Variants in NCKAP5 observed in about 807,000 individuals in gnomAD.
The protein encoded by NCKAP5 is nck-associated protein 5.
In NCKAP5, 92 loss-of-function variants were observed where a neutral mutation model predicts 167.0. That is an observed-to-expected ratio of 0.55 (90% CI 0.47 to 0.66). The LOEUF is 0.66. Ranked by LOEUF, NCKAP5 falls within the 30% of genes least tolerant of loss-of-function variation. The pLI, the probability that NCKAP5 is intolerant of heterozygous loss-of-function variation, is 0.00. For synonymous variants in NCKAP5, 891 were observed against 877.4 expected (o/e 1.02, Z -0.27); for missense variants, 2,378 against 2,315.0 (o/e 1.03, Z -0.56).
rs1278960466 is a variant in NCKAP5, at chr2:132,773,797, T to C, written c.5128+19A>G. 1.9e-6 allele frequency: 3 copies of C among 1,586,036 alleles called. No individual in the cohort carries two copies. Among genetic ancestry groups the C allele is most frequent in the Non-Finnish European group, 2.6e-6 (3 of 1,158,758 alleles). On this transcript the variant is annotated intron_variant, in intron 16 of 19. Coordinates refer to ENST00000409261, the MANE Select transcript of NCKAP5 (RefSeq NM_207363.3). Reference sequence around the variant, plus strand: ...AGAATAAGTCTCCATAAAAGACATATGAATATGTGAATTTTTACCTATGAT... The same window carrying C: ...AGAATAAGTCTCCATAAAAGACATACGAATATGTGAATTTTTACCTATGAT...
At chr2:133,492,781 C>T (rs1038111121) in intron 3 of NCKAP5, among the ~76,000 whole-genome samples, 10 of 152,190 alleles carry the variant, frequency 6.6e-5, no homozygotes, top group African/African-American at 2.2e-4. Flanking sequence ...AATCCAATTA[C>T]ATGAATCCAC....
chr2:133,342,131 G>C (rs1559399422), intron 3 of NCKAP5, among the ~76,000 whole-genome samples: 1 of 152,022 alleles, frequency 6.6e-6, no homozygotes, highest in Non-Finnish European at 1.5e-5. Context: ...AGTAGAGATG[G>C]GGTTTCACCA....
At chr2:133,554,568 T>C (rs1452976562) in intron 2 of NCKAP5, 2 of 152,206 alleles carry the variant, frequency 1.3e-5, no homozygotes, top group Non-Finnish European at 2.9e-5. Context: ...TACTGACTTA[T>C]ACAATATATT....
At chr2:133,116,209 C>T (rs905272577) in intron 6 of NCKAP5, among the ~76,000 whole-genome samples, 1 of 86,140 alleles carries the variant, frequency 1.2e-5, no homozygotes, top group African/African-American at 6.4e-5. Context: ...AATTTGTGGC[C>T]GGGCGCGGTG....
chr2:132,853,478 T>C (rs1003596695), intron 11 of NCKAP5, among the ~76,000 whole-genome samples: 7 of 152,104 alleles, frequency 4.6e-5, no homozygotes, highest in African/African-American at 1.4e-4. Flanking sequence ...GCCAGCCACA[T>C]AGTAATACAG....
At chr2:132,808,941 T>G (rs539560916) in intron 11 of NCKAP5, among the ~76,000 whole-genome samples, 1 of 152,172 alleles carries the variant, frequency 6.6e-6, no homozygotes, top group Non-Finnish European at 1.5e-5. Flanking sequence ...GCCTTTGCTG[T>G]ATCCCAGAGG....
intron 6 of NCKAP5, among the ~76,000 whole-genome samples, chr2:133,080,637 A>G (rs2080770906): frequency 6.6e-6 from 1 of 152,172 alleles, no homozygotes; most frequent in Non-Finnish European, 1.5e-5. Flanking sequence ...TCTTTAAAAG[A>G]GCACTTCTTA....
chr2:133,415,678 T>C (rs1052311246), intron 3 of NCKAP5, among the ~76,000 whole-genome samples: 1 of 152,228 alleles, frequency 6.6e-6, no homozygotes, highest in African/African-American at 2.4e-5. Flanking sequence ...TTAATTAAGC[T>C]AAACTCCAAT....
At chr2:133,506,210 C>T in intron 3 of NCKAP5, among the ~76,000 whole-genome samples, 1 of 152,166 alleles carries the variant, frequency 6.6e-6, no homozygotes, top group South Asian at 2.1e-4. Context: ...CTGAAGGTGC[C>T]ACATCAAATT....
chr2:133,262,473 A>C (rs1480769163), intron 4 of NCKAP5, among the ~76,000 whole-genome samples: 1 of 152,204 alleles, frequency 6.6e-6, no homozygotes, highest in African/African-American at 2.4e-5. Flanking sequence ...AGGTACCGAC[A>C]TGCTTCTTAA....
chr2:132,903,340 G>C (rs916454756), intron 8 of NCKAP5, among the ~76,000 whole-genome samples: 8 of 152,218 alleles, frequency 5.3e-5, no homozygotes, highest in South Asian at 4.1e-4. Flanking sequence ...CACAGATAGA[G>C]AACATTTCCA....
intron 5 of NCKAP5, among the ~76,000 whole-genome samples, chr2:133,187,073 C>A (rs2084977852): frequency 6.6e-6 from 1 of 151,954 alleles, no homozygotes; most frequent in African/African-American, 2.4e-5. Context: ...TTTCTAACTT[C>A]TTGATGAAGG....
chr2:133,056,926 T>A (rs181119733), intron 6 of NCKAP5, among the ~76,000 whole-genome samples: 2 of 152,242 alleles, frequency 1.3e-5, no homozygotes, highest in Non-Finnish European at 2.9e-5. Context: ...TTGTGGCAAC[T>A]GCATTGATAA....
intron 11 of NCKAP5, among the ~76,000 whole-genome samples, chr2:132,847,203 G>A (rs1252468395): frequency 6.6e-6 from 1 of 152,172 alleles, no homozygotes; most frequent in Non-Finnish European, 1.5e-5. Flanking sequence ...ACAGATTAAA[G>A]AGATGTGGGA....
chr2:133,181,050 C>T (rs888653667), intron 5 of NCKAP5, among the ~76,000 whole-genome samples: 2 of 151,972 alleles, frequency 1.3e-5, no homozygotes, highest in Non-Finnish European at 2.9e-5. Context: ...AAAGAAAGAA[C>T]ATGGTAAGAA....
intron 5 of NCKAP5, among the ~76,000 whole-genome samples, chr2:133,143,385 A>G (rs1233254334): frequency 1.3e-5 from 2 of 152,170 alleles, no homozygotes; most frequent in African/African-American, 2.4e-5. Flanking sequence ...CACAAATTAC[A>G]AACGGTTCAG....
At chr2:132,934,824 G>A (rs1174266782) in intron 8 of NCKAP5, among the ~76,000 whole-genome samples, 1 of 152,164 alleles carries the variant, frequency 6.6e-6, no homozygotes, top group East Asian at 1.9e-4. Flanking sequence ...GAACCCATTT[G>A]AGTGTGGAGA....
the NCKAP5 span, among the ~76,000 whole-genome samples, chr2:133,616,276 G>T: frequency 4.1e-5 from 6 of 147,118 alleles, no homozygotes; most frequent in Admixed American, 1.4e-4. Flanking sequence ...TCAAAAGCTA[G>T]CAGAAGGCAA....
At position 133,446,301 on chromosome 2, in the gene NCKAP5, T is replaced by C. The variant is rs189651325; in HGVS notation, c.69+71157A>G. Among the ~76,000 whole-genome samples the C allele has an allele frequency of 1.7e-4, 26 of 152,268 alleles. No individual in the cohort carries two copies. In the East Asian group the frequency reaches 4.4e-3, roughly 26 times the overall value. Reference sequence around the variant, plus strand: ...AAGATTTGTTCATGTTATAAATAGATATGATATTAAAGAAGAAAAGCTTTC... The same window carrying C: ...AAGATTTGTTCATGTTATAAATAGACATGATATTAAAGAAGAAAAGCTTTC... On this transcript the variant is annotated intron_variant, in intron 3 of 19. Coordinates refer to ENST00000409261, the MANE Select transcript of NCKAP5 (RefSeq NM_207363.3).
Sources: gnomAD v4.1 joint callset for allele counts (sites outside exome capture counted in the v4.1 genomes callset) on GRCh38, gnomAD v4.1.1 for gene constraint, MANE v1.5 for transcripts, NCBI Gene and HGNC (gene_info 2026-07-23, HGNC 2026-07-21) for gene names.